Variants in CNGA3 observed in about 807,000 individuals in gnomAD.
CNGA3 encodes the protein cyclic nucleotide-gated channel alpha-3.
Under a neutral mutation model 46.6 loss-of-function variants are expected in CNGA3, and 42 were observed. That is an observed-to-expected ratio of 0.90 (90% CI 0.70 to 1.17). The LOEUF (loss-of-function observed/expected upper bound fraction) is 1.17, where lower values mean the gene tolerates loss of function less well. Among genes scored for constraint, CNGA3 ranks in the 50% most tolerant of loss-of-function variants. CNGA3 has a pLI of 0.00. For missense variants in CNGA3, 893 were observed against 890.7 expected (o/e 1.00, Z -0.03); for synonymous variants, 394 against 369.4 (o/e 1.07, Z -0.76).
intron 2 of CNGA3, chr2:98,377,431 G>T (rs1234725408): frequency 4.2e-6 from 2 of 473,452 alleles, no homozygotes; most frequent in African/African-American, 3.9e-5. Context: ...AGGCCAGCAT[G>T]TACTGCCACC....
intron 1 of CNGA3, among the ~76,000 whole-genome samples, chr2:98,348,218 T>A (rs1255903631): frequency 6.6e-6 from 1 of 151,948 alleles, no homozygotes; most frequent in Non-Finnish European, 1.5e-5. Flanking sequence ...CCTCCTCCTG[T>A]GTAGATGCCC....
At position 98,397,469 on chromosome 2, in the gene CNGA3, C is replaced by T; in HGVS notation, c.*214C>T. On this transcript the variant is annotated 3_prime_UTR_variant, in exon 8 of 8. Transcript: ENST00000272602. ...AAGTGCCAGGTTTGATTGTGAAGTC[C>T]GCATGAAACACTGCACCAGGCAGGG... The T allele has an allele frequency of 4.9e-6, 3 of 611,922 alleles. No homozygotes were observed. The highest frequency in any genetic ancestry group is 2.7e-5 in the Admixed American group (1 of 36,704). 37.9% of individuals were successfully genotyped at this position (611,922 alleles called of 1,614,324 possible). A position where few individuals can be genotyped will look rare whatever the true frequency, so the allele number is the denominator to read the frequency against.
intron 1 of CNGA3, among the ~76,000 whole-genome samples, chr2:98,347,609 C>T (rs879761911): frequency 6.6e-6 from 1 of 152,228 alleles, no homozygotes; most frequent in African/African-American, 2.4e-5. Flanking sequence ...AGCCGGCGCC[C>T]CGGCCTCTTT....
In CNGA3 at chr2:98,396,452, A is replaced by G. The variant is rs746160928; in HGVS notation, c.1282A>G (p.Lys428Glu). ...CATCAAGCAGTACATGCAGTTCCGC[A>G]AGGTCACCAAGGACTTGGAGACGCG... ...DSIKQYMQFR[K>E]VTKDLETRVI... Residue 428 changes from lysine to glutamate, a missense_variant, in exon 8 of 8, where the codon AAG becomes GAG. Physicochemically the swap from Lys to Glu is moderately conservative, Grantham distance 56. Transcript: ENST00000272602. 2 of 1,613,952 alleles carry G rather than the reference A, an allele frequency of 1.2e-6. No homozygotes were observed. The highest frequency in any genetic ancestry group is 1.7e-6 in the Non-Finnish European group (2 of 1,180,036).
At chr2:98,380,844 T>C (rs1286972511) in intron 4 of CNGA3, among the ~76,000 whole-genome samples, 1 of 151,800 alleles carries the variant, frequency 6.6e-6, no homozygotes, top group Admixed American at 6.6e-5. Context: ...AGTCTACAGG[T>C]TGGTCAGAAT....
At chr2:98,361,704 CTT>C (rs1230449113) in intron 1 of CNGA3, among the ~76,000 whole-genome samples, 6,551 of 108,534 alleles carry the variant, frequency 0.06, 128 homozygotes, top group Non-Finnish European at 0.088. Context: ...CTTTTCTTGA[CTT>C]TTTTTTTTTT....
intron 6 of CNGA3, among the ~76,000 whole-genome samples, chr2:98,391,572 G>A (rs1305734926): frequency 1.3e-5 from 2 of 152,370 alleles, no homozygotes; most frequent in East Asian, 1.9e-4. Context: ...AGTGTGGCCT[G>A]GAAAACGGTA....
rs753890181 is a variant in CNGA3 at position 98,396,022 on chromosome 2, C to T, written c.852C>T (p.Leu284=). The change falls in exon 8 of 8, where the codon CTC becomes CTT. Residue 284 remains leucine (L), a synonymous_variant. Transcript: ENST00000272602. ...RFNRLLKFSR[L]FEFFDRTETR... is the part of the protein sequence containing the mutation. ...ACCGCCTACTGAAGTTTTCCCGGCT[C>T]TTTGAATTCTTTGACCGCACAGAGA... is the stretch of plus-strand genomic sequence containing the variant. 1.9e-6 allele frequency: 3 copies of T among 1,614,238 alleles called. No individual in the cohort carries two copies. Among genetic ancestry groups the T allele is most frequent in the Non-Finnish European group, 2.5e-6 (3 of 1,180,030 alleles).
At chr2:98,374,380 C>A (rs1210534071) in intron 2 of CNGA3, among the ~76,000 whole-genome samples, 1 of 152,198 alleles carries the variant, frequency 6.6e-6, no homozygotes, top group African/African-American at 2.4e-5. Context: ...AAGGCATCGA[C>A]CCCACATGGG....
In CNGA3 at chr2:98,397,392, G is replaced by A; in HGVS notation, c.*137G>A. The A allele has an allele frequency of 1.1e-6, 1 of 901,954 alleles. No individual in the cohort carries two copies. The highest frequency in any genetic ancestry group is 1.8e-6 in the Non-Finnish European group (1 of 570,736). 55.9% of individuals were successfully genotyped at this position (901,954 alleles called of 1,614,324 possible). The stretch of plus-strand genomic sequence containing the variant: ...CTTTGAAAGCTGTGTGACTGCCTGA[G>A]AGAACCTGTTTCTTCACCTAAAAAA... On this transcript the variant is annotated 3_prime_UTR_variant, in exon 8 of 8. Transcript: ENST00000272602.
At chr2:98,394,186 C>T (rs1333405375) in intron 7 of CNGA3, among the ~76,000 whole-genome samples, 2 of 152,130 alleles carry the variant, frequency 1.3e-5, no homozygotes, top group African/African-American at 4.8e-5. Flanking sequence ...ATTCTCTCTA[C>T]TTTCGTGCAT....
rs1692512624 is a variant in CNGA3 at position 98,380,429 on chromosome 2, CTGTT to C, written c.395+78_395+81del. The C allele has an allele frequency of 2.6e-6, 4 of 1,537,610 alleles. No homozygotes were observed. The South Asian group carries it at 3.5e-5, about 14-fold the overall frequency. On this transcript the variant is annotated intron_variant, in intron 4 of 7. Coordinates refer to ENST00000272602, the MANE Select transcript of CNGA3 (RefSeq NM_001298.3). Reference sequence around the variant, plus strand: ...CAGGAAGCCTGTGCTTTGCTCCATCCTGTTTGGATGCAGCACAGGTGGCCTGGAA... The same window carrying C: ...CAGGAAGCCTGTGCTTTGCTCCATCCTGGATGCAGCACAGGTGGCCTGGAA...
At position 98,397,251 on chromosome 2, in the gene CNGA3, A is replaced by C; in HGVS notation, c.2081A>C (p.Gln694Pro). Reference sequence around the variant, plus strand: ...GCTACAAAAACAGAGGACAAACAACAGTGAAAATGCAGCATCTGTCTCCTG... The same window carrying C: ...GCTACAAAAACAGAGGACAAACAACCGTGAAAATGCAGCATCTGTCTCCTG... ...GDATKTEDKQ[Q>P] Residue 694 changes from glutamine (Q) to proline (P), a missense_variant, in exon 8 of 8, where the codon CAG (glutamine) becomes CCG (proline). Around this residue, in one of 3 missense-constraint regions of CNGA3, gnomAD observed 548 missense variants for 570.8 expected, o/e 0.96. Transcript: ENST00000272602. 6.2e-7 allele frequency: 1 copy of C among 1,613,590 alleles called. No individual in the cohort carries two copies. Among genetic ancestry groups the C allele is most frequent in the South Asian group, 1.1e-5 (1 of 91,088 alleles).
At chr2:98,367,434 T>G (rs1692188520) in intron 1 of CNGA3, among the ~76,000 whole-genome samples, 1 of 152,062 alleles carries the variant, frequency 6.6e-6, no homozygotes, top group Non-Finnish European at 1.5e-5. Flanking sequence ...AACCTTGTGA[T>G]CCAGCCGCTT....
In CNGA3 at chr2:98,376,838, C is replaced by T. The variant is rs181922474; in HGVS notation, c.102-849C>T. On this transcript the variant is annotated intron_variant, in intron 2 of 7. Coordinates refer to ENST00000272602, the MANE Select transcript of CNGA3 (RefSeq NM_001298.3). Reference sequence around the variant, plus strand: ...TTAATCAGGCTGATCAAACTTCAGCCCCAGGAGGTTTAAAAGAAAGGAAAA... The same window carrying T: ...TTAATCAGGCTGATCAAACTTCAGCTCCAGGAGGTTTAAAAGAAAGGAAAA... 4.5e-4 allele frequency among the ~76,000 whole-genome samples: 68 copies of T among 152,244 alleles called. 1 individual carries two copies. The highest frequency in any genetic ancestry group is 1.6e-3 in the African/African-American group (66 of 41,540).
intron 7 of CNGA3, among the ~76,000 whole-genome samples, chr2:98,393,891 G>A (rs912614175): frequency 2.6e-5 from 4 of 151,918 alleles, no homozygotes; most frequent in African/African-American, 9.7e-5. Flanking sequence ...AAGGCCCTCA[G>A]TAACGCATGT....
rs1277340471 is a variant in CNGA3, at chr2:98,377,763, T to C, written c.178T>C (p.Ser60Pro). Residue 60 changes from serine to proline, a missense_variant, in exon 3 of 8, where the codon TCC becomes CCC. Transcript: ENST00000272602. ...CATGGAGACCAGAGGACTGGCTGAC[T>C]CCGGGCAGGGCTCCTTCACCGGCCA... ...IAMETRGLAD[S>P]GQGSFTGQGI... 1 of 1,612,712 alleles carries C rather than the reference T, an allele frequency of 6.2e-7. No individual in the cohort carries two copies. Among genetic ancestry groups the C allele is most frequent in the Non-Finnish European group, 8.5e-7 (1 of 1,179,948 alleles).
chr2:98,352,674 C>A (rs1691792801), intron 1 of CNGA3, among the ~76,000 whole-genome samples: 2 of 152,148 alleles, frequency 1.3e-5, no homozygotes, highest in Admixed American at 1.3e-4. Flanking sequence ...AAGCAGATTG[C>A]CCTCCCCAGT....
intron 6 of CNGA3, among the ~76,000 whole-genome samples, 179 bp from the exon 7 acceptor site, chr2:98,391,685 T>C (rs1311729528): frequency 6.6e-6 from 1 of 152,118 alleles, no homozygotes; most frequent in African/African-American, 2.4e-5. Flanking sequence ...ACAGAAAAGC[T>C]TCTCAGAGAC....
Sources: allele counts gnomAD v4.1 joint callset (sites outside exome capture counted in the v4.1 genomes callset), GRCh38; gene constraint gnomAD v4.1.1; regional missense constraint gnomAD v4.1.1; transcripts MANE v1.5; gene names NCBI Gene and HGNC (gene_info 2026-07-23, HGNC 2026-07-21).